The following PWWP2B variants were observed in gnomAD, a reference collection of about 807,000 sequenced individuals.
PWWP2B encodes PWWP domain-containing protein 2B.
Under a neutral mutation model 15.5 loss-of-function variants are expected in PWWP2B, and 9 were observed. The observed-to-expected ratio is 0.58, with a 90% CI of 0.35 to 1.02. The LOEUF (loss-of-function observed/expected upper bound fraction) is 1.02. Among genes scored for constraint, PWWP2B ranks in the 50% least tolerant of loss-of-function variants. The pLI is 0.02. For missense variants in PWWP2B, 864 were observed against 865.3 expected (o/e 1.00, Z 0.02); for synonymous variants, 474 against 403.6 (o/e 1.17, Z -2.09).
chr10:132,409,464 G>T (rs1318068191), intron 2 of PWWP2B, among the ~76,000 whole-genome samples: 4 of 152,160 alleles, frequency 2.6e-5, no homozygotes, highest in Admixed American at 6.5e-5. Context: ...TGGGAATGGG[G>T]ACCCAGAGAA....
intron 2 of PWWP2B, among the ~76,000 whole-genome samples, chr10:132,415,362 ACT>A (rs2069833298): frequency 1.3e-5 from 2 of 148,978 alleles, no homozygotes; most frequent in Non-Finnish European, 3.0e-5. Flanking sequence ...ACATCCACTC[ACT>A]GTCACACACG....
Sources: allele counts gnomAD v4.1 joint callset (sites outside exome capture counted in the v4.1 genomes callset), GRCh38; gene constraint gnomAD v4.1.1; transcripts MANE v1.5; gene names NCBI Gene and HGNC (gene_info 2026-07-23, HGNC 2026-07-21).